URM1: variants seen among roughly 807,000 people sequenced by gnomAD.
URM1 encodes the protein ubiquitin related modifier 1.
A neutral mutation model predicts 17.7 loss-of-function variants in URM1; 11 were observed. The observed-to-expected ratio is 0.62, with a 90% CI of 0.39 to 1.03. The LOEUF (loss-of-function observed/expected upper bound fraction) is 1.03. Ranked by LOEUF, URM1 falls within the 50% of genes least tolerant of loss-of-function variation. The pLI is 0.00. For missense variants in URM1, 128 were observed against 129.2 expected (o/e 0.99, Z 0.04); for synonymous variants, 48 against 50.6 (o/e 0.95, Z 0.22).
chr9:128,371,420 G>A lies in URM1; in HGVS notation c.35+5G>A, dbSNP rs1289197890. On this transcript the variant is annotated splice_donor_5th_base_variant and intron_variant, in intron 1 of 4. Coordinates refer to ENST00000372853, the MANE Select transcript of URM1 (RefSeq NM_030914.4). ...GTCAGTGGAGGTGGAGTTCGGGTGA[G>A]TCACAGAGCTGGGGCGCCGTGGGGA... 1 of 1,612,894 alleles carries A rather than the reference G, an allele frequency of 6.2e-7. No individual in the cohort carries two copies.
chr9:128,389,143 C>A, intron 3 of URM1, 118 bp from the exon 4 acceptor site: 1 of 1,490,058 alleles, frequency 6.7e-7, no homozygotes, highest in Non-Finnish European at 8.9e-7. Context: ...TTAGCCAGAC[C>A]CCAGGAGGAA....
intron 1 of URM1, among the ~76,000 whole-genome samples, chr9:128,377,653 G>C (rs1328118510): frequency 6.6e-6 from 1 of 152,146 alleles, no homozygotes; most frequent in Non-Finnish European, 1.5e-5. Context: ...CTGGGCAACA[G>C]AGTGAGACTA....
chr9:128,372,329 G>A (rs889399295), intron 1 of URM1, among the ~76,000 whole-genome samples: 1 of 151,834 alleles, frequency 6.6e-6, no homozygotes, highest in Non-Finnish European at 1.5e-5. Flanking sequence ...GTGTAGATAA[G>A]CCAAGGTCTA....
chr9:128,386,228 G>A (rs771797226), intron 2 of URM1, among the ~76,000 whole-genome samples: 2 of 152,160 alleles, frequency 1.3e-5, no homozygotes, highest in Non-Finnish European at 2.9e-5. Context: ...TGGCTCTATC[G>A]AGCAGCCACA....
In URM1 at chr9:128,389,200, TC is replaced by T. The variant is rs1349253749; in HGVS notation, c.189-59del. The T allele has an allele frequency of 9.1e-6, 14 of 1,539,562 alleles. No homozygotes were observed. The East Asian group carries it at 2.7e-4, about 30-fold the overall frequency. Reference sequence around the variant, plus strand: ...GCAGCCCAAAGCTCTCAGCCTCTCTTCCTCTGTGCTACTGCCTCCTGCCTCT... The same window carrying T: ...GCAGCCCAAAGCTCTCAGCCTCTCTTCTCTGTGCTACTGCCTCCTGCCTCT... On this transcript the variant is annotated intron_variant, in intron 3 of 4. Coordinates refer to ENST00000372853, the MANE Select transcript of URM1 (RefSeq NM_030914.4).
intron 2 of URM1, among the ~76,000 whole-genome samples, chr9:128,386,790 G>C (rs1474321491): frequency 6.6e-6 from 1 of 152,248 alleles, no homozygotes; most frequent in Non-Finnish European, 1.5e-5. Flanking sequence ...TCAGGCATTA[G>C]TCCAGGACAG....
chr9:128,380,735 A>G (rs930162194), intron 2 of URM1, among the ~76,000 whole-genome samples: 30 of 150,872 alleles, frequency 2.0e-4, no homozygotes, highest in African/African-American at 4.6e-4. Context: ...TCCTGGGTTC[A>G]AGCAATTCTC....
rs747560018 is a variant in URM1 at position 128,371,396 on chromosome 9, T to C, written c.16T>C (p.Ser6Pro). Reference protein sequence around the residue: MAAPLSVEVEFGGGAE... With the variant: MAAPLPVEVEFGGGAE... ...CTTCCTCAACATGGCTGCGCCCTTG[T>C]CAGTGGAGGTGGAGTTCGGGTGAGT... is the stretch of plus-strand genomic sequence containing the variant. Residue 6 changes from serine to proline, a missense_variant, in exon 1 of 5, where the codon TCA (serine) becomes CCA (proline). Transcript: ENST00000372853. 3 of 1,612,848 alleles carry C rather than the reference T, an allele frequency of 1.9e-6. No individual in the cohort carries two copies. Among genetic ancestry groups the C allele is most frequent in the Non-Finnish European group, 2.5e-6 (3 of 1,179,298 alleles).
chr9:128,385,821 G>A (rs1033128424), intron 2 of URM1, among the ~76,000 whole-genome samples: 4 of 151,792 alleles, frequency 2.6e-5, no homozygotes, highest in African/African-American at 4.8e-5. Flanking sequence ...TACGAGTGGC[G>A]ATGCGGTAGC....
intron 2 of URM1, among the ~76,000 whole-genome samples, chr9:128,380,686 A>C (rs1833147855): frequency 6.7e-6 from 1 of 149,256 alleles, no homozygotes; most frequent in Admixed American, 6.7e-5. Flanking sequence ...CCCAGGCTGA[A>C]GTGCCGTGGT....
At position 128,389,708 on chromosome 9, in the gene URM1, TTCATCTCCACTCTGCACGGCGG is replaced by T. The variant is rs1252607116; in HGVS notation, c.281_302del (p.Phe94SerfsTer63). The stretch of plus-strand genomic sequence containing the variant: ...GCTTCAGGACCAGGACAGCGTCCTC[TTCATCTCCACTCTGCACGGCGG>T]CTGAGGGCCCTTCTCTGGGCCTGGG... On this transcript the variant is annotated frameshift_variant, in exon 5 of 5. Coordinates refer to ENST00000372853, the MANE Select transcript of URM1 (RefSeq NM_030914.4). LOFTEE classifies it high-confidence loss of function. The T allele has an allele frequency of 6.2e-7, 1 of 1,613,448 alleles. No individual in the cohort carries two copies. The highest frequency in any genetic ancestry group is 8.5e-7 in the Non-Finnish European group (1 of 1,180,016).
chr9:128,387,720 C>T lies in URM1; in HGVS notation c.107-96C>T. The T allele has an allele frequency of 1.3e-6, 2 of 1,582,950 alleles. No homozygotes were observed. The highest frequency in any genetic ancestry group is 1.7e-6 in the Non-Finnish European group (2 of 1,162,584). On this transcript the variant is annotated intron_variant, in intron 2 of 4. Coordinates refer to ENST00000372853, the MANE Select transcript of URM1 (RefSeq NM_030914.4). This position sits in a 1 kb window ranked among gnomAD's most constrained non-coding sequence, Gnocchi z 4.3. ...CCTGGTCTAAAAGAAGCCCTCTAAA[C>T]ACCGTGTGTATTTCCTTGTGGGCCA...
chr9:128,381,015 G>A (rs536315143), intron 2 of URM1, among the ~76,000 whole-genome samples: 9 of 152,154 alleles, frequency 5.9e-5, no homozygotes, highest in African/African-American at 1.2e-4. Flanking sequence ...TAGAAGAGAC[G>A]GGGTTTCACC....
rs759526329 is a variant in URM1 at position 128,371,408 on chromosome 9, G to C, written c.28G>C (p.Glu10Gln). 2 of 1,613,058 alleles carry C rather than the reference G, an allele frequency of 1.2e-6. No individual in the cohort carries two copies. Among genetic ancestry groups the C allele is most frequent in the African/African-American group, 2.7e-5 (2 of 74,888 alleles). MAAPLSVEV[E>Q]FGGGAELLFD... ...GGCTGCGCCCTTGTCAGTGGAGGTG[G>C]AGTTCGGGTGAGTCACAGAGCTGGG... The change falls in exon 1 of 5, where the codon GAG becomes CAG. Residue 10 changes from glutamate (E) to glutamine (Q), a missense_variant. Glu to Gln is a conservative substitution (Grantham distance 29). Coordinates refer to ENST00000372853, the MANE Select transcript of URM1 (RefSeq NM_030914.4).
At chr9:128,372,441 A>G (rs1833025564) in intron 1 of URM1, among the ~76,000 whole-genome samples, 1 of 152,108 alleles carries the variant, frequency 6.6e-6, no homozygotes, top group Non-Finnish European at 1.5e-5. Context: ...TTAATTGGGT[A>G]GTTCATTCAC....
Position 128,389,667 on chromosome 9 carries a change from G to A in URM1, c.239G>A (p.Gly80Asp), listed in dbSNP as rs1251790061. ...CCGCTCCCCTCTCTCCCGCACCAGG[G>A]TGAGCTGGACTACCAGCTTCAGGAC... The part of the protein sequence containing the change: ...LINDADWELL[G>D]ELDYQLQDQD... Residue 80 changes from glycine (G) to aspartate (D), a missense_variant and splice_region_variant, in exon 5 of 5, where the codon GGT (glycine) becomes GAT (aspartate). Physicochemically the swap from Gly to Asp is moderately conservative, Grantham distance 94. Transcript: ENST00000372853. 1 of 1,613,514 alleles carries A rather than the reference G, an allele frequency of 6.2e-7. No homozygotes were observed. The highest frequency in any genetic ancestry group is 8.5e-7 in the Non-Finnish European group (1 of 1,179,984).
chr9:128,377,920 G>C (rs60857808), intron 1 of URM1, 116 bp from the exon 2 acceptor site: 51 of 1,036,066 alleles, frequency 4.9e-5, no homozygotes, highest in Non-Finnish European at 7.0e-5. Flanking sequence ...CTGCACCTTA[G>C]TCTCTGCTTC....
At chr9:128,375,439 G>A (rs1833063982) in intron 1 of URM1, among the ~76,000 whole-genome samples, 1 of 152,158 alleles carries the variant, frequency 6.6e-6, no homozygotes, top group Non-Finnish European at 1.5e-5. Flanking sequence ...GGCCAGGCAT[G>A]GTGGCCCACA....
chr9:128,383,197 C>T (rs1833181908), intron 2 of URM1, among the ~76,000 whole-genome samples: 1 of 152,086 alleles, frequency 6.6e-6, no homozygotes, highest in African/African-American at 2.4e-5. Context: ...CCCTCCCAGT[C>T]CCTGTGCAAA....
Sources: allele counts gnomAD v4.1 joint callset (sites outside exome capture counted in the v4.1 genomes callset), GRCh38; gene constraint gnomAD v4.1.1; non-coding constraint Gnocchi (gnomAD v3.1); transcripts MANE v1.5; gene names NCBI Gene and HGNC (gene_info 2026-07-23, HGNC 2026-07-21).